ARFGAP3: variants seen among roughly 807,000 people sequenced by gnomAD.
ARFGAP3 encodes the protein ARF GTPase activating protein 3.
A neutral mutation model predicts 75.0 loss-of-function variants in ARFGAP3; 72 were observed. The ratio of observed to expected loss-of-function variants is 0.96; its 90% confidence interval spans 0.79 to 1.17. ARFGAP3 has a LOEUF of 1.17. ARFGAP3 is among the 50% of genes most tolerant of loss of function. The pLI, the probability that ARFGAP3 is intolerant of heterozygous loss-of-function variation, is 0.00. For synonymous variants in ARFGAP3, 221 were observed against 217.9 expected (o/e 1.01, Z -0.13); for missense variants, 620 against 626.6 (o/e 0.99, Z 0.11).
chr22:42,851,232 T>C (rs1481199352), intron 1 of ARFGAP3, among the ~76,000 whole-genome samples: 1 of 152,200 alleles, frequency 6.6e-6, no homozygotes, highest in Non-Finnish European at 1.5e-5. Context: ...GTTACAAGAT[T>C]GTTTCCTAGT....
chr22:42,809,037 A>T, intron 12 of ARFGAP3, 147 bp from the exon 13 acceptor site: 7 of 726,644 alleles, frequency 9.6e-6, no homozygotes, highest in African/African-American at 1.9e-5. Context: ...AATTCTAATT[A>T]AAAAAAAAAG....
At position 42,823,654 on chromosome 22, in the gene ARFGAP3, A is replaced by T; in HGVS notation, c.672+2T>A. The T allele has an allele frequency of 1.3e-6, 2 of 1,564,318 alleles. No individual in the cohort carries two copies. The highest frequency in any genetic ancestry group is 1.7e-6 in the Non-Finnish European group (2 of 1,150,814). On this transcript the variant is annotated splice_donor_variant, in intron 8 of 15. Coordinates refer to ENST00000263245, the MANE Select transcript of ARFGAP3 (RefSeq NM_014570.5). LOFTEE classifies it high-confidence loss of function. The stretch of plus-strand genomic sequence containing the variant: ...TTTATATATAAAGTACATAATACTC[A>T]CGCCTTTTTTAGCTTGATTTGGTTT...
At chr22:42,812,013 C>CA (rs1029424853) in intron 11 of ARFGAP3, among the ~76,000 whole-genome samples, 2 of 151,834 alleles carry the variant, frequency 1.3e-5, no homozygotes, top group Admixed American at 1.3e-4. Flanking sequence ...CCCATCTCTA[C>CA]AAAAAATGCA....
In ARFGAP3 at chr22:42,817,779, T is replaced by C. The variant is rs2146542004; in HGVS notation, c.891A>G (p.Lys297=). The change falls in exon 10 of 16, where the codon AAA becomes AAG. Residue 297 remains lysine (K), a synonymous_variant. Transcript: ENST00000263245. ...CGAGTCTGTCTGAGTCAACATTTTT[T>C]TTGCCACTAATGTTCATCTTTTCGT... ...KKDEKMNISG[K]KNVDSDRLGM... 1.9e-6 allele frequency: 3 copies of C among 1,613,676 alleles called. No individual in the cohort carries two copies. Among genetic ancestry groups the C allele is most frequent in the Non-Finnish European group, 1.7e-6 (2 of 1,179,842 alleles).
At chr22:42,856,789 G>A (rs1927521554) in intron 1 of ARFGAP3, among the ~76,000 whole-genome samples, 2 of 151,302 alleles carry the variant, frequency 1.3e-5, no homozygotes, top group South Asian at 4.1e-4. Context: ...GCGCCCCCGA[G>A]GATGCCCCCG....
intron 2 of ARFGAP3, among the ~76,000 whole-genome samples, chr22:42,842,940 G>A (rs746927781): frequency 5.3e-5 from 8 of 152,002 alleles, no homozygotes; most frequent in Non-Finnish European, 1.0e-4. Context: ...AGGCTGTATG[G>A]GGCTCTCTTG....
intron 13 of ARFGAP3, 155 bp from the exon 14 acceptor site, chr22:42,807,318 G>T: frequency 1.1e-6 from 1 of 951,732 alleles, no homozygotes; most frequent in Non-Finnish European, 1.3e-6. Context: ...CAGGTCCTGC[G>T]GGACAGCACA....
chr22:42,822,433 T>C (rs780586418), intron 8 of ARFGAP3, 24 bp from the exon 9 acceptor site: 5 of 1,608,066 alleles, frequency 3.1e-6, no homozygotes, highest in Non-Finnish European at 4.2e-6. Flanking sequence ...AAGACTATAG[T>C]CTACACGAGC....
chr22:42,813,755 G>T (rs1925467960), intron 11 of ARFGAP3, among the ~76,000 whole-genome samples: 1 of 152,202 alleles, frequency 6.6e-6, no homozygotes, highest in African/African-American at 2.4e-5. Context: ...AGGACCGACA[G>T]ACCACCAGCC....
At chr22:42,823,311 G>A (rs749484246) in intron 8 of ARFGAP3, among the ~76,000 whole-genome samples, 13 of 151,884 alleles carry the variant, frequency 8.6e-5, no homozygotes, top group Non-Finnish European at 1.8e-4. Context: ...GCAATGCTTC[G>A]CTGTATCTGA....
chr22:42,827,831 C>T (rs925363489), intron 6 of ARFGAP3, among the ~76,000 whole-genome samples: 16 of 152,096 alleles, frequency 1.1e-4, no homozygotes, highest in African/African-American at 3.9e-4. Context: ...CACCTGTAAT[C>T]CCAGAACTTT....
chr22:42,829,769 G>A (rs1926203792), intron 6 of ARFGAP3, among the ~76,000 whole-genome samples: 1 of 152,120 alleles, frequency 6.6e-6, no homozygotes, highest in Admixed American at 6.5e-5. Flanking sequence ...GCCTAGAAGG[G>A]CTTCCTCAAT....
At chr22:42,817,880 C>T in intron 9 of ARFGAP3, 23 bp from the exon 10 acceptor site, 1 of 1,550,726 alleles carries the variant, frequency 6.4e-7, no homozygotes, top group Non-Finnish European at 8.7e-7. Flanking sequence ...CCAAATACTC[C>T]TTAATTTAGC....
intron 11 of ARFGAP3, among the ~76,000 whole-genome samples, chr22:42,815,511 C>T (rs1925538900): frequency 6.7e-6 from 1 of 149,836 alleles, no homozygotes; most frequent in Admixed American, 6.7e-5. Flanking sequence ...AATTCCTTGT[C>T]TATAAACATT....
intron 3 of ARFGAP3, 143 bp downstream of exon 3, chr22:42,840,801 C>T: frequency 1.2e-6 from 1 of 811,628 alleles, no homozygotes; most frequent in Non-Finnish European, 1.9e-6. Context: ...CTCCAGTGAT[C>T]CTCCCAAACG....
At position 42,808,755 on chromosome 22, in the gene ARFGAP3, C is replaced by T; in HGVS notation, c.1320+12G>A. 6.2e-7 allele frequency: 1 copy of T among 1,603,890 alleles called. No homozygotes were observed. ...ATTATGGGGCACCCAAAGAAACTCT[C>T]TGGACCCTTACATCAGCCTGGGATT... On this transcript the variant is annotated intron_variant, in intron 13 of 15. Coordinates refer to ENST00000263245, the MANE Select transcript of ARFGAP3 (RefSeq NM_014570.5).
chr22:42,827,210 T>C (rs1926080735), intron 6 of ARFGAP3: 2 of 448,846 alleles, frequency 4.5e-6, no homozygotes, highest in Non-Finnish European at 5.9e-6. Flanking sequence ...CCAATGGCTT[T>C]ATCAAATAAA....
chr22:42,827,878 G>A (rs1926109691), intron 6 of ARFGAP3, among the ~76,000 whole-genome samples: 1 of 151,746 alleles, frequency 6.6e-6, no homozygotes, highest in Non-Finnish European at 1.5e-5. Context: ...GAGCTCAGGA[G>A]TTCGAGACCT....
At chr22:42,844,598 A>C (rs1022373874) in intron 2 of ARFGAP3, among the ~76,000 whole-genome samples, 1 of 107,432 alleles carries the variant, frequency 9.3e-6, no homozygotes, top group African/African-American at 4.5e-5. Flanking sequence ...GGAAAAAAAA[A>C]AAAAAAAAAT....
Sources: allele counts gnomAD v4.1 joint callset (sites outside exome capture counted in the v4.1 genomes callset), GRCh38; gene constraint gnomAD v4.1.1; transcripts MANE v1.5; gene names NCBI Gene and HGNC (gene_info 2026-07-23, HGNC 2026-07-21).